Variants in ASPRV1 observed in about 807,000 individuals in gnomAD.
ASPRV1 encodes aspartic peptidase retroviral like 1.
A neutral mutation model predicts 11.0 loss-of-function variants in ASPRV1; 7 were observed. The ratio of observed to expected loss-of-function variants is 0.64; its 90% CI spans 0.36 to 1.20. The LOEUF (loss-of-function observed/expected upper bound fraction) is 1.20. ASPRV1 is among the 50% of genes most tolerant of loss of function. ASPRV1 has a pLI of 0.02. For synonymous variants in ASPRV1, 136 were observed against 138.4 expected (o/e 0.98, Z 0.12); for missense variants, 299 against 320.0 (o/e 0.93, Z 0.50).
chr2:70,071,142 A>G, the ASPRV1 span, among the ~76,000 whole-genome samples: 1 of 152,220 alleles, frequency 6.6e-6, no homozygotes, highest in African/African-American at 2.4e-5. Flanking sequence ...GAGACTGCAA[A>G]CCCTCCAAAC....
At chr2:69,935,401 T>C in the ASPRV1 span, 2 of 1,614,134 alleles carry the variant, frequency 1.2e-6, no homozygotes, top group South Asian at 2.2e-5. Context: ...CTGGTGCCAC[T>C]TGGACCCGAA....
chr2:69,994,919 G>A, the ASPRV1 span, among the ~76,000 whole-genome samples: 51 of 151,994 alleles, frequency 3.4e-4, no homozygotes, highest in African/African-American at 1.1e-3. Flanking sequence ...GGAAAATGGC[G>A]TGAACCTGGA....
chr2:69,949,251 G>A, the ASPRV1 span, among the ~76,000 whole-genome samples: 1 of 149,844 alleles, frequency 6.7e-6, no homozygotes, highest in African/African-American at 2.5e-5. Flanking sequence ...GGGGATGGAT[G>A]GGCGAATGAA....
At chr2:70,047,277 C>G in the ASPRV1 span, among the ~76,000 whole-genome samples, 1 of 152,144 alleles carries the variant, frequency 6.6e-6, no homozygotes, top group Non-Finnish European at 1.5e-5. Flanking sequence ...CCACAGCCAG[C>G]AATTAAATGC....
upstream of ASPRV1, among the ~76,000 whole-genome samples, chr2:69,966,292 C>T (rs1001187254): frequency 6.6e-6 from 1 of 152,256 alleles, no homozygotes; most frequent in African/African-American, 2.4e-5. Context: ...CCTTCTCAGT[C>T]ACCTCCTCAG....
At chr2:70,082,532 G>A in the ASPRV1 span, among the ~76,000 whole-genome samples, 1 of 152,230 alleles carries the variant, frequency 6.6e-6, no homozygotes, top group Non-Finnish European at 1.5e-5. Flanking sequence ...CCAACATGGA[G>A]AAACTCCGTC....
At chr2:70,083,821 T>G in the ASPRV1 span, 1 of 152,112 alleles carries the variant, frequency 6.6e-6, no homozygotes, top group African/African-American at 2.4e-5. Flanking sequence ...CCCTTAGAGA[T>G]CATTTAATCT....
At chr2:70,082,704 C>G in the ASPRV1 span, among the ~76,000 whole-genome samples, 3 of 152,248 alleles carry the variant, frequency 2.0e-5, no homozygotes, top group Admixed American at 2.0e-4. Flanking sequence ...GCGCGAAACT[C>G]TGTCTCAAAA....
chr2:70,068,491 T>C, the ASPRV1 span, among the ~76,000 whole-genome samples: 1 of 152,056 alleles, frequency 6.6e-6, no homozygotes, highest in Admixed American at 6.6e-5. Context: ...TCTAGGGGTA[T>C]CTAGAGGAGT....
At chr2:70,029,437 G>A in the ASPRV1 span, among the ~76,000 whole-genome samples, 5 of 152,050 alleles carry the variant, frequency 3.3e-5, no homozygotes, top group South Asian at 2.1e-4. Flanking sequence ...TCAGGAGATT[G>A]AGACCATTCT....
chr2:70,038,011 A>C, the ASPRV1 span, among the ~76,000 whole-genome samples: 3 of 152,172 alleles, frequency 2.0e-5, no homozygotes, highest in Non-Finnish European at 4.4e-5. Context: ...CTTGACAAGA[A>C]TTCTTCTGCC....
the ASPRV1 span, among the ~76,000 whole-genome samples, chr2:70,047,970 G>C: frequency 6.6e-6 from 1 of 151,836 alleles, no homozygotes. Flanking sequence ...TTAGCTGGGC[G>C]TGGTGGCGTG....
the ASPRV1 span, among the ~76,000 whole-genome samples, chr2:70,079,500 C>T: frequency 2.6e-5 from 4 of 151,962 alleles, no homozygotes; most frequent in South Asian, 8.3e-4. Context: ...AAAGAGAGCA[C>T]CTAGGAAAAG....
chr2:69,980,706 T>TA, the ASPRV1 span, among the ~76,000 whole-genome samples: 1 of 152,236 alleles, frequency 6.6e-6, no homozygotes, highest in Admixed American at 6.5e-5. Flanking sequence ...GGAAGCTGGA[T>TA]AAAAGATATA....
chr2:70,057,573 G>T, the ASPRV1 span, among the ~76,000 whole-genome samples: 1 of 151,938 alleles, frequency 6.6e-6, no homozygotes, highest in East Asian at 1.9e-4. Flanking sequence ...CCGCCTCCCA[G>T]GTTCCAGCAA....
chr2:70,080,365 T>C, the ASPRV1 span, among the ~76,000 whole-genome samples: 1 of 152,150 alleles, frequency 6.6e-6, no homozygotes, highest in Non-Finnish European at 1.5e-5. Context: ...TAGCTGGGAT[T>C]GTAGGCATGT....
At chr2:69,965,049 T>G (rs1379530763), upstream of ASPRV1, among the ~76,000 whole-genome samples, 24 of 152,016 alleles carry the variant, frequency 1.6e-4, no homozygotes, top group Non-Finnish European at 1.5e-5. Flanking sequence ...AAACACTTTA[T>G]TATTTATTTA....
At chr2:70,009,168 T>C in the ASPRV1 span, among the ~76,000 whole-genome samples, 1 of 152,002 alleles carries the variant, frequency 6.6e-6, no homozygotes, top group Non-Finnish European at 1.5e-5. Flanking sequence ...ACCAAATAAT[T>C]AACAGTGCCT....
At chr2:70,010,570 G>A in the ASPRV1 span, among the ~76,000 whole-genome samples, 1 of 152,188 alleles carries the variant, frequency 6.6e-6, no homozygotes, top group Non-Finnish European at 1.5e-5. Context: ...AAGGAATTTG[G>A]ACTTGATCCT....
Sources: gnomAD v4.1 joint callset for allele counts (sites outside exome capture counted in the v4.1 genomes callset) on GRCh38, gnomAD v4.1.1 for gene constraint, MANE v1.5 for transcripts, NCBI Gene and HGNC (gene_info 2026-07-23, HGNC 2026-07-21) for gene names.